Variants in CEP112 observed in about 807,000 individuals in gnomAD.
The protein encoded by CEP112 is centrosomal protein of 112 kDa.
In CEP112, 127 loss-of-function variants were observed where a neutral mutation model predicts 153.0. The ratio of observed to expected loss-of-function variants is 0.83; its 90% CI spans 0.72 to 0.96. CEP112 has a LOEUF of 0.96. CEP112 is among the 40% of genes least tolerant of loss of function. The probability of loss-of-function intolerance (pLI) is 0.00; values close to 1 mark genes in which losing one functional copy is unlikely to be tolerated. For missense variants in CEP112, 1,089 were observed against 1,101.2 expected, an observed-to-expected ratio of 0.99 and a Z score of 0.16; for synonymous variants, 358 against 374.4, an observed-to-expected ratio of 0.96 and a Z score of 0.51.
intron 19 of CEP112, among the ~76,000 whole-genome samples, chr17:65,909,775 G>T (rs1362321802): frequency 1.3e-5 from 2 of 152,170 alleles, no homozygotes; most frequent in Non-Finnish European, 2.9e-5. Context: ...AGGTAGCCAA[G>T]GAAAGAAAGA....
At chr17:65,896,113 T>G (rs1238822523) in intron 20 of CEP112, among the ~76,000 whole-genome samples, 1 of 152,126 alleles carries the variant, frequency 6.6e-6, no homozygotes, top group Non-Finnish European at 1.5e-5. Context: ...TTAGAAGGTT[T>G]GTCTTTAAAA....
intron 25 of CEP112, among the ~76,000 whole-genome samples, chr17:65,638,683 A>G (rs1390717311): frequency 2.0e-5 from 3 of 152,106 alleles, no homozygotes; most frequent in Non-Finnish European, 4.4e-5. Context: ...AATTCCAACA[A>G]TTCTCAAAAA....
intron 21 of CEP112, among the ~76,000 whole-genome samples, chr17:65,764,035 C>T (rs192691836): frequency 9.1e-4 from 138 of 152,132 alleles, no homozygotes; most frequent in Non-Finnish European, 1.5e-3. Flanking sequence ...CTGTAAATGT[C>T]ACTGTGCTTC....
intron 4 of CEP112, among the ~76,000 whole-genome samples, chr17:66,135,425 T>C (rs948262852): frequency 6.6e-6 from 1 of 152,148 alleles, no homozygotes; most frequent in Non-Finnish European, 1.5e-5. Context: ...GGGAGAAAAG[T>C]TCAACCTTAA....
intron 21 of CEP112, among the ~76,000 whole-genome samples, chr17:65,751,919 G>A (rs911879306): frequency 3.3e-5 from 5 of 152,068 alleles, no homozygotes; most frequent in African/African-American, 1.2e-4. Context: ...CTCCACCAGT[G>A]AGAGCACTGC....
chr17:66,083,896 C>G (rs1300564324), intron 8 of CEP112, among the ~76,000 whole-genome samples: 1 of 152,020 alleles, frequency 6.6e-6, no homozygotes, highest in East Asian at 1.9e-4. Context: ...ACATAGATTA[C>G]TATCAGTATT....
intron 23 of CEP112, among the ~76,000 whole-genome samples, chr17:65,711,571 T>C (rs1598374342): frequency 6.6e-6 from 1 of 152,350 alleles, no homozygotes; most frequent in East Asian, 1.9e-4. Flanking sequence ...TGATTATTTT[T>C]CTTATGGAAA....
chr17:66,165,096 G>A (rs2071895484), intron 4 of CEP112, among the ~76,000 whole-genome samples: 1 of 150,650 alleles, frequency 6.6e-6, no homozygotes, highest in South Asian at 2.1e-4. Flanking sequence ...CAGTTTCTAT[G>A]CACCAGCACC....
rs757567828 is a variant in CEP112, at chr17:66,063,070, T to C, written c.967A>G (p.Ile323Val). Residue 323 changes from isoleucine to valine, a missense_variant, in exon 11 of 27, where the codon ATA becomes GTA. Coordinates refer to ENST00000535342, the MANE Select transcript of CEP112 (RefSeq NM_001199165.4). ...TCTCTGATAACTTGACAGTCACGTA[T>C]CAGTGTCTGAACTGTCAAAAATTTT... ...RKLEKKVQTL[I>V]RDCQVIRETK... The C allele has an allele frequency of 1.6e-4, 254 of 1,573,882 alleles. No individual in the cohort carries two copies. The highest frequency in any genetic ancestry group is 1.2e-3 in the Admixed American group (67 of 55,008).
At chr17:65,753,740 T>C (rs1395592424) in intron 21 of CEP112, among the ~76,000 whole-genome samples, 2 of 152,190 alleles carry the variant, frequency 1.3e-5, no homozygotes, top group African/African-American at 4.8e-5. Flanking sequence ...TCATACCATG[T>C]CCCAGGCACT....
intron 19 of CEP112, among the ~76,000 whole-genome samples, chr17:65,917,397 A>G (rs780566594): frequency 3.9e-5 from 6 of 152,186 alleles, no homozygotes; most frequent in Non-Finnish European, 8.8e-5. Context: ...CTAGAAATCA[A>G]TAAGTCATAT....
intron 25 of CEP112, among the ~76,000 whole-genome samples, chr17:65,640,154 A>ATATATATATT (rs1300751452): frequency 1.0e-4 from 8 of 78,340 alleles, no homozygotes; most frequent in East Asian, 5.6e-4. Flanking sequence ...ATATATATAT[A>ATATATATATT]TTTTTTTTTT....
intron 4 of CEP112, among the ~76,000 whole-genome samples, chr17:66,141,250 G>A (rs573494151): frequency 3.1e-4 from 47 of 151,422 alleles, no homozygotes; most frequent in African/African-American, 1.0e-3. Context: ...TGTTTCCATT[G>A]TGATTTTCAG....
In CEP112 at chr17:65,664,213, G is replaced by A. The variant is rs562830580; in HGVS notation, c.2698-23148C>T. Among the ~76,000 whole-genome samples, 6 of 152,256 alleles carry A rather than the reference G, an allele frequency of 3.9e-5. No individual in the cohort carries two copies. In the East Asian group the frequency reaches 1.2e-3, roughly 29 times the overall value. On this transcript the variant is annotated intron_variant, in intron 24 of 26. Coordinates refer to ENST00000535342, the MANE Select transcript of CEP112 (RefSeq NM_001199165.4). ...GTGCTCCCAAAGCTGAGTAGCAGCT[G>A]AACAGGCAGAAGTTTGGCAAAAGGA...
At chr17:65,861,589 A>T (rs1447628136) in intron 20 of CEP112, among the ~76,000 whole-genome samples, 1 of 152,252 alleles carries the variant, frequency 6.6e-6, no homozygotes, top group East Asian at 1.9e-4. Context: ...AAGTAAAAAC[A>T]ATACATGACT....
chr17:65,662,934 G>A (rs2046467447), intron 24 of CEP112, among the ~76,000 whole-genome samples: 1 of 152,132 alleles, frequency 6.6e-6, no homozygotes, highest in Non-Finnish European at 1.5e-5. Context: ...CTATCTGAAG[G>A]ATCTTTCTGT....
At chr17:66,009,132 C>A (rs1171731606) in intron 16 of CEP112, among the ~76,000 whole-genome samples, 2 of 151,956 alleles carry the variant, frequency 1.3e-5, no homozygotes, top group Non-Finnish European at 2.9e-5. Context: ...GACATTCCCA[C>A]CAACAGAGTA....
intron 18 of CEP112, among the ~76,000 whole-genome samples, chr17:65,946,639 T>C (rs994924336): frequency 1.6e-4 from 24 of 152,248 alleles, no homozygotes; most frequent in African/African-American, 5.8e-4. Flanking sequence ...GCCTTCACTT[T>C]GCATTTCATG....
Position 65,971,124 on chromosome 17 carries a change from TGA to T in CEP112, c.1737-9528_1737-9527del, listed in dbSNP as rs1418516679. On this transcript the variant is annotated intron_variant, in intron 17 of 26. Coordinates refer to ENST00000535342, the MANE Select transcript of CEP112 (RefSeq NM_001199165.4). The stretch of plus-strand genomic sequence containing the variant: ...GTACATTGCATGTTCCTTGCGTGTA[TGA>T]GATTTATATTGCATGTGCACATGAT... Among the ~76,000 whole-genome samples the T allele has an allele frequency of 9.8e-5, 15 of 152,302 alleles. No individual in the cohort carries two copies. The East Asian group carries it at 2.1e-3, about 22-fold the overall frequency.
Sources: gnomAD v4.1 joint callset for allele counts (sites outside exome capture counted in the v4.1 genomes callset) on GRCh38, gnomAD v4.1.1 for gene constraint, MANE v1.5 for transcripts, NCBI Gene and HGNC (gene_info 2026-07-23, HGNC 2026-07-21) for gene names.